ST3GAL1: variants seen among roughly 807,000 people sequenced by gnomAD.
ST3GAL1 encodes the protein CMP-N-acetylneuraminate-beta-galactosamide-alpha-2,3-sialyltransferase 1.
In ST3GAL1, 16 loss-of-function variants were observed where a neutral mutation model predicts 34.1. The ratio of observed to expected loss-of-function variants is 0.47; its 90% CI spans 0.32 to 0.71. The LOEUF is 0.71. ST3GAL1 is among the 30% of genes least tolerant of loss of function. The pLI, the probability that ST3GAL1 is intolerant of heterozygous loss-of-function variation, is 0.04. For synonymous variants in ST3GAL1, 191 were observed against 184.7 expected, an observed-to-expected ratio of 1.03 and a Z score of -0.28; for missense variants, 353 against 447.4, an observed-to-expected ratio of 0.79 and a Z score of 1.90.
At chr8:133,552,841 C>T (rs531444027) in intron 1 of ST3GAL1, among the ~76,000 whole-genome samples, 3 of 152,292 alleles carry the variant, frequency 2.0e-5, no homozygotes, top group African/African-American at 7.2e-5. Flanking sequence ...AGGTTAAGTA[C>T]AGACAATGAG....
At chr8:133,542,800 A>G (rs1818569927) in intron 2 of ST3GAL1, among the ~76,000 whole-genome samples, 1 of 150,112 alleles carries the variant, frequency 6.7e-6, no homozygotes, top group Non-Finnish European at 1.5e-5. Flanking sequence ...AAAAAAAAAA[A>G]AGATGAACAG....
chr8:133,529,395 C>T (rs551072950), intron 2 of ST3GAL1, among the ~76,000 whole-genome samples: 4 of 152,168 alleles, frequency 2.6e-5, no homozygotes, highest in African/African-American at 7.2e-5. Context: ...TGTACAAGGT[C>T]GTAAAACTCA....
At chr8:133,468,998 G>C (rs1233595072) in intron 5 of ST3GAL1, among the ~76,000 whole-genome samples, 1 of 152,164 alleles carries the variant, frequency 6.6e-6, no homozygotes, top group Admixed American at 6.5e-5. Flanking sequence ...CCGCTACTTT[G>C]ATTTGGGAGC....
chr8:133,562,183 G>A (rs1170076797), intron 1 of ST3GAL1, among the ~76,000 whole-genome samples: 1 of 150,244 alleles, frequency 6.7e-6, no homozygotes, highest in Non-Finnish European at 1.5e-5. Context: ...TGGCCAGTAA[G>A]TCACTTCTCC....
intron 2 of ST3GAL1, among the ~76,000 whole-genome samples, chr8:133,540,977 G>GA (rs1818488243): frequency 6.6e-4 from 13 of 19,598 alleles, no homozygotes; most frequent in African/African-American, 2.3e-3. Context: ...ACATATATAT[G>GA]CAGACATATA....
intron 1 of ST3GAL1, among the ~76,000 whole-genome samples, chr8:133,548,323 C>A (rs1442902052): frequency 6.6e-6 from 1 of 152,178 alleles, no homozygotes; most frequent in Non-Finnish European, 1.5e-5. Context: ...CTTCCCCATT[C>A]CCTCTGTACT....
chr8:133,465,965 A>C lies in ST3GAL1; in HGVS notation c.432T>G (p.Val144=). The C allele has an allele frequency of 6.2e-7, 1 of 1,614,196 alleles. No individual in the cohort carries two copies. Among genetic ancestry groups the C allele is most frequent in the African/African-American group, 1.3e-5 (1 of 75,068 alleles). Reference sequence around the variant, plus strand: ...CCCTCAGGTTGCCCGAGTTGCCCACAACGGCGCAGCGCCGGCAGCCCACCG... The same window carrying C: ...CCCTCAGGTTGCCCGAGTTGCCCACCACGGCGCAGCGCCGGCAGCCCACCG... ...KRSVGCRRCA[V]VGNSGNLRES... Residue 144 remains valine (V), a synonymous_variant, in exon 6 of 10, where the codon GTT becomes GTG. Coordinates refer to ENST00000522652, the MANE Select transcript of ST3GAL1 (RefSeq NM_173344.3).
At chr8:133,497,184 T>C (rs534794040) in intron 3 of ST3GAL1, among the ~76,000 whole-genome samples, 2 of 152,346 alleles carry the variant, frequency 1.3e-5, no homozygotes, top group East Asian at 3.9e-4. Context: ...AGCAGTGTAG[T>C]TGCCAAAACT....
rs1378163311 is a variant in ST3GAL1 at position 133,458,738 on chromosome 8, C to T, written c.*1026G>A. 2 of 152,138 alleles carry T rather than the reference C, an allele frequency of 1.3e-5. No homozygotes were observed. The highest frequency in any genetic ancestry group is 2.9e-5 in the Non-Finnish European group (2 of 68,042). 9.4% of individuals were successfully genotyped at this position (152,138 alleles called of 1,614,324 possible). ...TTTCAGCCAATGCATGCTTTTCTTT[C>T]CCAAATACAAAGGCACATGGAAGTG... is the stretch of plus-strand genomic sequence containing the variant. On this transcript the variant is annotated 3_prime_UTR_variant, in exon 10 of 10. Coordinates refer to ENST00000522652, the MANE Select transcript of ST3GAL1 (RefSeq NM_173344.3).
intron 2 of ST3GAL1, among the ~76,000 whole-genome samples, chr8:133,537,692 T>C (rs2131056873): frequency 6.6e-6 from 1 of 151,936 alleles, no homozygotes; most frequent in South Asian, 2.1e-4. Flanking sequence ...AGCATCCATC[T>C]CCCCTGGGGG....
In ST3GAL1 at chr8:133,466,016, A is replaced by G; in HGVS notation, c.381T>C (p.Asn127=). 6.2e-7 allele frequency: 1 copy of G among 1,614,196 alleles called. No homozygotes were observed. Among genetic ancestry groups the G allele is most frequent in the Non-Finnish European group, 8.5e-7 (1 of 1,180,012 alleles). ...ACCTCTTCTCCAGCATAGGGTCCAC[A>G]TTCCCAGGCACCACTCTGAACAGCT... is the stretch of plus-strand genomic sequence containing the variant. ...IKELFRVVPG[N]VDPMLEKRSV... The change falls in exon 6 of 10, where the codon AAT becomes AAC. Residue 127 remains asparagine, a synonymous_variant. Transcript: ENST00000522652. The surrounding 1 kb of genome is among the most constrained non-coding windows in gnomAD (Gnocchi z 4.4).
At chr8:133,561,877 A>C (rs2056249) in intron 1 of ST3GAL1, among the ~76,000 whole-genome samples, 151,265 of 152,160 alleles carry the variant, frequency 0.99, 75,189 homozygotes, top group East Asian at 1. Context: ...ACTCTAAAGG[A>C]ATAAACTAAG....
chr8:133,482,603 G>A (rs1300905437), intron 3 of ST3GAL1, among the ~76,000 whole-genome samples: 2 of 152,186 alleles, frequency 1.3e-5, no homozygotes, highest in Non-Finnish European at 2.9e-5. Flanking sequence ...GGCCAGCTCT[G>A]CACAGACAGT....
intron 5 of ST3GAL1, among the ~76,000 whole-genome samples, chr8:133,473,451 C>T (rs1054851868): frequency 1.3e-5 from 2 of 152,046 alleles, no homozygotes; most frequent in Non-Finnish European, 2.9e-5. Context: ...CTGTGTAGTA[C>T]CCTGTTTGTC....
intron 3 of ST3GAL1, among the ~76,000 whole-genome samples, chr8:133,485,926 C>T (rs1351141367): frequency 6.6e-6 from 1 of 152,200 alleles, no homozygotes; most frequent in Non-Finnish European, 1.5e-5. Flanking sequence ...TAAAAACCAT[C>T]CCTACTTGAG....
In ST3GAL1 at chr8:133,457,034, T is replaced by A. The variant is rs16904924; in HGVS notation, c.*2730A>T. The A allele has an allele frequency of 0.21, 31,260 of 152,260 alleles. 3,601 individuals carry two copies. The highest frequency in any genetic ancestry group is 0.53 in the East Asian group (2,729 of 5,168). 9.4% of individuals were successfully genotyped at this position (152,260 alleles called of 1,614,324 possible). A position where few individuals can be genotyped will look rare whatever the true frequency, so the allele number is the denominator to read the frequency against. ...CAGCAGCCTTTTAGGAAATGTGCTC[T>A]ACAGGAAAAGTGGTTTTTCTGATTA... On this transcript the variant is annotated 3_prime_UTR_variant, in exon 10 of 10. Coordinates refer to ENST00000522652, the MANE Select transcript of ST3GAL1 (RefSeq NM_173344.3).
rs533843857 is a variant in ST3GAL1, at chr8:133,556,050, C to G, written c.-581-10124G>C. 2.0e-5 allele frequency among the ~76,000 whole-genome samples: 3 copies of G among 151,030 alleles called. No homozygotes were observed. Among genetic ancestry groups the G allele is most frequent in the East Asian group, 1.9e-4 (1 of 5,150 alleles). ...CTGGGATTACAGGCACCTGCCACCA[C>G]GCCTGGCTGATTTTTTTTGTATTTT... On this transcript the variant is annotated intron_variant, in intron 1 of 9. Coordinates refer to ENST00000522652, the MANE Select transcript of ST3GAL1 (RefSeq NM_173344.3). This position sits in a 1 kb window ranked among gnomAD's most constrained non-coding sequence, Gnocchi z 8.9.
intron 2 of ST3GAL1, among the ~76,000 whole-genome samples, chr8:133,502,067 C>A (rs1322466565): frequency 1.3e-5 from 2 of 152,074 alleles, no homozygotes; most frequent in Non-Finnish European, 2.9e-5. Flanking sequence ...CTCATTTATG[C>A]CAGGAATTGG....
At chr8:133,481,508 G>C (rs1307201215) in intron 3 of ST3GAL1, among the ~76,000 whole-genome samples, 1 of 151,800 alleles carries the variant, frequency 6.6e-6, no homozygotes, top group Non-Finnish European at 1.5e-5. Context: ...TTGTGTTTTT[G>C]GTTTTGAGAT....
Sources: gnomAD v4.1 joint callset for allele counts (sites outside exome capture counted in the v4.1 genomes callset) on GRCh38, gnomAD v4.1.1 for gene constraint, Gnocchi (gnomAD v3.1) non-coding constraint, MANE v1.5 for transcripts, NCBI Gene and HGNC (gene_info 2026-07-23, HGNC 2026-07-21) for gene names.